The following GRID1 variants were observed in gnomAD, a reference collection of about 807,000 sequenced individuals.
The protein encoded by GRID1 is glutamate ionotropic receptor delta type subunit 1, also known as glutamate receptor ionotropic, delta-1.
A neutral mutation model predicts 98.0 loss-of-function variants in GRID1; 28 were observed. The ratio of observed to expected loss-of-function variants is 0.29; its 90% CI spans 0.21 to 0.39. The LOEUF (loss-of-function observed/expected upper bound fraction) is 0.39, where lower values mean the gene tolerates loss of function less well. Among genes scored for constraint, GRID1 ranks in the 10% least tolerant of loss-of-function variants. The pLI is 1.00. For missense variants in GRID1, 1,111 were observed against 1,340.5 expected (o/e 0.83, Z 2.67); for synonymous variants, 553 against 538.5 (o/e 1.03, Z -0.37).
intron 8 of GRID1, among the ~76,000 whole-genome samples, chr10:85,830,084 C>G (rs1326044680): frequency 1.3e-5 from 2 of 152,178 alleles, no homozygotes; most frequent in African/African-American, 2.4e-5. Flanking sequence ...GTAGCCAGAA[C>G]AGCATGGTAC....
intron 4 of GRID1, among the ~76,000 whole-genome samples, chr10:85,932,265 G>A (rs543969806): frequency 1.3e-5 from 2 of 152,288 alleles, no homozygotes; most frequent in East Asian, 3.9e-4. Context: ...CAGGCTGAGT[G>A]CAGTGGCACA....
intron 13 of GRID1, among the ~76,000 whole-genome samples, chr10:85,621,766 G>C (rs1235829654): frequency 1.8e-4 from 28 of 152,102 alleles, no homozygotes; most frequent in Admixed American, 1.8e-3. Flanking sequence ...CTTCCTTGTA[G>C]GAAGATAACA....
chr10:86,229,929 G>C (rs186556358), intron 2 of GRID1, among the ~76,000 whole-genome samples: 1 of 152,134 alleles, frequency 6.6e-6, no homozygotes, highest in Admixed American at 6.5e-5. Flanking sequence ...CCACCATATG[G>C]CCACACCTGT....
intron 4 of GRID1, among the ~76,000 whole-genome samples, chr10:85,946,998 G>C (rs948647399): frequency 6.6e-6 from 1 of 152,152 alleles, no homozygotes; most frequent in Admixed American, 6.5e-5. Flanking sequence ...ACAGTGTATG[G>C]CTCAGAAGAG....
At chr10:86,362,363 G>A (rs1455228346) in intron 2 of GRID1, among the ~76,000 whole-genome samples, 1 of 152,182 alleles carries the variant, frequency 6.6e-6, no homozygotes, top group Non-Finnish European at 1.5e-5. Context: ...GAAGTCCAGA[G>A]GCAGGGGGTG....
At chr10:85,895,001 CAA>C (rs60119755) in intron 5 of GRID1, among the ~76,000 whole-genome samples, 35,222 of 102,486 alleles carry the variant, frequency 0.34, 5,540 homozygotes, top group Non-Finnish European at 0.38. Context: ...CTGGGACTCT[CAA>C]AAAAAAAAAA....
chr10:85,795,729 T>G (rs980166331), intron 8 of GRID1, among the ~76,000 whole-genome samples: 1 of 152,194 alleles, frequency 6.6e-6, no homozygotes, highest in Non-Finnish European at 1.5e-5. Context: ...AAAGCACATT[T>G]GGCCAAGACA....
chr10:85,801,829 A>G (rs1564594977), intron 8 of GRID1, among the ~76,000 whole-genome samples: 1 of 151,956 alleles, frequency 6.6e-6, no homozygotes, highest in African/African-American at 2.4e-5. Flanking sequence ...TAAGAATTAG[A>G]TATGTGAAAT....
chr10:86,262,477 C>T (rs1339295017), intron 2 of GRID1, among the ~76,000 whole-genome samples: 1 of 152,190 alleles, frequency 6.6e-6, no homozygotes, highest in Non-Finnish European at 1.5e-5. Flanking sequence ...ACAGCAGCCT[C>T]CTGGGTCCCC....
intron 4 of GRID1, among the ~76,000 whole-genome samples, chr10:86,124,923 G>A (rs188984642): frequency 9.9e-5 from 15 of 152,278 alleles, no homozygotes; most frequent in Admixed American, 2.0e-4. Context: ...AGTTCCCTCC[G>A]GGCCTGGCTG....
rs1477178605 is a variant in GRID1 at position 86,163,200 on chromosome 10, G to A, written c.521-24176C>T. Reference sequence around the variant, plus strand: ...GCTGGAGCCACTTGAAACAACGGGAGTGGGAGCAGCACAGCCTGGCCTGGC... The same window carrying A: ...GCTGGAGCCACTTGAAACAACGGGAATGGGAGCAGCACAGCCTGGCCTGGC... On this transcript the variant is annotated intron_variant, in intron 3 of 15. Coordinates refer to ENST00000327946, the MANE Select transcript of GRID1 (RefSeq NM_017551.3). 6.6e-5 allele frequency among the ~76,000 whole-genome samples: 10 copies of A among 152,282 alleles called. No homozygotes were observed. In the East Asian group the frequency reaches 1.9e-3, roughly 30 times the overall value.
intron 2 of GRID1, among the ~76,000 whole-genome samples, chr10:86,352,850 G>A (rs114388543): frequency 0.014 from 2,093 of 152,208 alleles, 45 homozygotes; most frequent in African/African-American, 0.048. Context: ...CCTGGGGTGG[G>A]CAGGCAGACT....
chr10:85,944,568 A>AT (rs1486562756), intron 4 of GRID1, among the ~76,000 whole-genome samples: 4 of 152,226 alleles, frequency 2.6e-5, no homozygotes, highest in African/African-American at 9.6e-5. Flanking sequence ...ACAGCAGTAA[A>AT]AAATGTATAA....
At chr10:85,801,665 G>A (rs1012252764) in intron 8 of GRID1, among the ~76,000 whole-genome samples, 6 of 151,250 alleles carry the variant, frequency 4.0e-5, no homozygotes, top group Admixed American at 1.3e-4. Context: ...TTGATAAAAG[G>A]GATCTACAAA....
chr10:86,103,486 T>C (rs113984206), intron 4 of GRID1, among the ~76,000 whole-genome samples: 9 of 152,318 alleles, frequency 5.9e-5, no homozygotes, highest in African/African-American at 2.2e-4. Context: ...GAGGCTCAAC[T>C]GCACCCCCAG....
intron 4 of GRID1, among the ~76,000 whole-genome samples, chr10:86,134,743 G>A (rs1395721836): frequency 6.6e-6 from 1 of 152,142 alleles, no homozygotes; most frequent in Admixed American, 6.5e-5. Context: ...CAGAGTTAGT[G>A]CAAGTTCATT....
chr10:85,745,817 TC>T (rs1841991467), intron 8 of GRID1, among the ~76,000 whole-genome samples: 1 of 151,782 alleles, frequency 6.6e-6, no homozygotes, highest in Non-Finnish European at 1.5e-5. Flanking sequence ...GACATTTAGA[TC>T]CCTGAAGTAT....
rs1323239250 is a variant in GRID1 at position 85,672,156 on chromosome 10, T to C, written c.1998-24759A>G. Among the ~76,000 whole-genome samples the C allele has an allele frequency of 1.3e-5, 2 of 151,974 alleles. 1 individual carries two copies. Among genetic ancestry groups the C allele is most frequent in the Admixed American group, 1.3e-4 (2 of 15,260 alleles). On this transcript the variant is annotated intron_variant, in intron 12 of 15. Transcript: ENST00000327946. ...TAACCAATTTTCAGTGTAGATGCAA[T>C]GGCCTTCTATTGGAAGAAAACACCT...
intron 15 of GRID1, among the ~76,000 whole-genome samples, chr10:85,609,907 T>G (rs920801079): frequency 6.6e-6 from 1 of 152,232 alleles, no homozygotes. Context: ...GTTTGGTGCA[T>G]TCACCTGCAT....
Sources: allele counts gnomAD v4.1 joint callset (sites outside exome capture counted in the v4.1 genomes callset), GRCh38; gene constraint gnomAD v4.1.1; transcripts MANE v1.5; gene names NCBI Gene and HGNC (gene_info 2026-07-23, HGNC 2026-07-21).